Variants in NPLOC4 observed in about 807,000 individuals in gnomAD.
NPLOC4 encodes the protein nuclear protein localization protein 4 homolog.
In NPLOC4, 18 loss-of-function variants were observed where a neutral mutation model predicts 80.6. That is an observed-to-expected ratio of 0.22 (90% CI 0.15 to 0.33). The LOEUF (loss-of-function observed/expected upper bound fraction) is 0.33. Among genes scored for constraint, NPLOC4 ranks in the 10% least tolerant of loss-of-function variants. The pLI is 1.00. For synonymous variants in NPLOC4, 313 were observed against 301.5 expected (o/e 1.04, Z -0.39); for missense variants, 540 against 786.1 (o/e 0.69, Z 3.74).
At chr17:81,595,465 G>A (rs1425491059) in intron 11 of NPLOC4, among the ~76,000 whole-genome samples, 1 of 121,156 alleles carries the variant, frequency 8.3e-6, no homozygotes, top group Non-Finnish European at 1.7e-5. Flanking sequence ...TTTTTTTTTT[G>A]AGATGGAGTT....
At chr17:81,598,020 G>C (rs903582216) in intron 9 of NPLOC4, among the ~76,000 whole-genome samples, 3 of 150,814 alleles carry the variant, frequency 2.0e-5, no homozygotes, top group Admixed American at 6.6e-5. Context: ...GTGTGAACCC[G>C]GGAGGTGAAG....
intron 3 of NPLOC4, 70 bp downstream of exon 3, chr17:81,622,096 G>C: frequency 8.9e-7 from 1 of 1,118,164 alleles, no homozygotes; most frequent in Non-Finnish European, 1.4e-6. Context: ...GATAAAACTC[G>C]GCAACCTCGG....
At chr17:81,626,453 A>G (rs1042878979) in intron 2 of NPLOC4, among the ~76,000 whole-genome samples, 1 of 152,184 alleles carries the variant, frequency 6.6e-6, no homozygotes, top group South Asian at 2.1e-4. Context: ...GATACAAAGA[A>G]CACCACTGCA....
chr17:81,585,366 A>G (rs2034549910), intron 12 of NPLOC4, among the ~76,000 whole-genome samples: 1 of 151,916 alleles, frequency 6.6e-6, no homozygotes, highest in Non-Finnish European at 1.5e-5. Flanking sequence ...GATTATCCAC[A>G]TCGTTAAGAA....
intron 2 of NPLOC4, among the ~76,000 whole-genome samples, chr17:81,625,886 A>T (rs565981671): frequency 2.0e-5 from 3 of 152,074 alleles, no homozygotes; most frequent in Non-Finnish European, 4.4e-5. Flanking sequence ...CGGAGGTTCA[A>T]GCCTGTAATC....
intron 12 of NPLOC4, among the ~76,000 whole-genome samples, chr17:81,574,952 T>C (rs920790592): frequency 7.9e-5 from 12 of 152,292 alleles, no homozygotes; most frequent in African/African-American, 2.2e-4. Flanking sequence ...ATTCCATTGA[T>C]TGAATGGCAT....
chr17:81,631,452 T>A (rs1272801758), intron 1 of NPLOC4, among the ~76,000 whole-genome samples: 16,856 of 102,634 alleles, frequency 0.16, 1,669 homozygotes, highest in African/African-American at 0.24. Flanking sequence ...TTTTTTTTTT[T>A]TTTTTTTTTT....
chr17:81,577,851 C>G lies in NPLOC4; in HGVS notation c.1282-5763G>C, dbSNP rs1442569400. On this transcript the variant is annotated intron_variant, in intron 12 of 16. Coordinates refer to ENST00000331134, the MANE Select transcript of NPLOC4 (RefSeq NM_017921.4). The surrounding 1 kb of genome is among the most constrained non-coding windows in gnomAD (Gnocchi z 4.3). ...AGTCCCAGCACACCATCCTTGTCCCCAAGGCCACAGGGAACTGACATGTGG... is the reference window on the plus strand; with the variant it reads ...AGTCCCAGCACACCATCCTTGTCCCGAAGGCCACAGGGAACTGACATGTGG... Among the ~76,000 whole-genome samples, 2 of 152,222 alleles carry G rather than the reference C, an allele frequency of 1.3e-5. No homozygotes were observed. Among genetic ancestry groups the G allele is most frequent in the East Asian group, 3.8e-4 (2 of 5,198 alleles).
intron 5 of NPLOC4, among the ~76,000 whole-genome samples, chr17:81,609,928 A>G (rs2035299284): frequency 6.6e-6 from 1 of 152,232 alleles, no homozygotes; most frequent in Non-Finnish European, 1.5e-5. Context: ...GTCAGATCGG[A>G]AAAGGATTGT....
At chr17:81,616,317 T>C (rs1360068203) in intron 3 of NPLOC4, among the ~76,000 whole-genome samples, 1 of 31,088 alleles carries the variant, frequency 3.2e-5, no homozygotes, top group African/African-American at 2.8e-4. Context: ...CAAGACTCTG[T>C]CTCAAAAAAA....
At chr17:81,595,763 C>T (rs956579973) in intron 11 of NPLOC4, among the ~76,000 whole-genome samples, 5 of 151,892 alleles carry the variant, frequency 3.3e-5, no homozygotes, top group South Asian at 2.1e-4. Flanking sequence ...AGGCTGATCT[C>T]GAACTCCTGA....
chr17:81,628,884 CTT>C (rs34905643), intron 2 of NPLOC4, among the ~76,000 whole-genome samples: 5 of 145,286 alleles, frequency 3.4e-5, no homozygotes, highest in Non-Finnish European at 3.0e-5. Flanking sequence ...ACAATTCATA[CTT>C]TTTTTTTTTT....
chr17:81,619,841 T>G (rs1362005972), intron 3 of NPLOC4, among the ~76,000 whole-genome samples: 1 of 150,342 alleles, frequency 6.7e-6, no homozygotes, highest in Non-Finnish European at 1.5e-5. Flanking sequence ...ATTGCGCCAC[T>G]GCACTCCAGC....
intron 12 of NPLOC4, among the ~76,000 whole-genome samples, chr17:81,578,307 T>G (rs912639581): frequency 1.3e-5 from 2 of 151,850 alleles, no homozygotes; most frequent in African/African-American, 2.4e-5. Flanking sequence ...TCTCACACAC[T>G]CTAGTCTCAG....
chr17:81,616,177 C>CGGG (rs1054867650), intron 3 of NPLOC4, among the ~76,000 whole-genome samples: 4 of 151,404 alleles, frequency 2.6e-5, no homozygotes, highest in African/African-American at 4.9e-5. Flanking sequence ...AAAAATTAGC[C>CGGG]GGGGGTGGTG....
At chr17:81,603,634 C>G (rs560439388) in intron 8 of NPLOC4, among the ~76,000 whole-genome samples, 3 of 152,076 alleles carry the variant, frequency 2.0e-5, no homozygotes, top group Non-Finnish European at 2.9e-5. Context: ...TTCTAACATA[C>G]AGCTAATTTA....
chr17:81,578,801 G>A (rs550934244), intron 12 of NPLOC4, among the ~76,000 whole-genome samples: 1 of 152,362 alleles, frequency 6.6e-6, no homozygotes, highest in East Asian at 1.9e-4. Flanking sequence ...AGGTGTGGGT[G>A]TGGACACAAA....
chr17:81,629,676 A>G (rs1316956750), intron 2 of NPLOC4, 49 bp downstream of exon 2: 10 of 1,301,258 alleles, frequency 7.7e-6, no homozygotes, highest in African/African-American at 2.9e-5. Flanking sequence ...TGGCAGTAAG[A>G]GTAGAGGATG....
At chr17:81,589,531 CAAA>C (rs567322005) in intron 11 of NPLOC4, among the ~76,000 whole-genome samples, 2 of 122,494 alleles carry the variant, frequency 1.6e-5, no homozygotes, top group African/African-American at 3.1e-5. Context: ...GACTCCATCT[CAAA>C]AAAAAAAAAA....
Sources: gnomAD v4.1 joint callset for allele counts (sites outside exome capture counted in the v4.1 genomes callset) on GRCh38, gnomAD v4.1.1 for gene constraint, Gnocchi (gnomAD v3.1) non-coding constraint, MANE v1.5 for transcripts, NCBI Gene and HGNC (gene_info 2026-07-23, HGNC 2026-07-21) for gene names.